Variants in TECTA observed in about 807,000 individuals in gnomAD.
TECTA encodes alpha-tectorin.
TECTA carries 128 observed loss-of-function variants against 216.8 expected under a neutral mutation model. The observed-to-expected ratio is 0.59, with a 90% CI of 0.51 to 0.68. TECTA has a LOEUF of 0.68. Ranked by LOEUF, TECTA falls within the 30% of genes least tolerant of loss-of-function variation. TECTA has a pLI of 0.00. For synonymous variants in TECTA, 1,089 were observed against 1,117.1 expected (o/e 0.97, Z 0.50); for missense variants, 2,551 against 2,786.2 (o/e 0.92, Z 1.90).
At chr11:121,146,194 C>G in intron 12 of TECTA, 78 bp downstream of exon 12, 1 of 1,554,214 alleles carries the variant, frequency 6.4e-7, no homozygotes, top group South Asian at 1.1e-5. Flanking sequence ...TTCCAACTCC[C>G]TAGAAGTCAG....
intron 16 of TECTA, among the ~76,000 whole-genome samples, chr11:121,165,016 A>G (rs574061343): frequency 1.2e-3 from 188 of 152,310 alleles, no homozygotes; most frequent in Non-Finnish European, 1.4e-3. Flanking sequence ...GCAAGTTTCA[A>G]CTGTGAAATA....
At chr11:121,123,558 T>G (rs1946579807) in intron 7 of TECTA, among the ~76,000 whole-genome samples, 1 of 152,204 alleles carries the variant, frequency 6.6e-6, no homozygotes, top group Non-Finnish European at 1.5e-5. Flanking sequence ...GAAGGAGCTT[T>G]CTAAAACACA....
At position 121,165,322 on chromosome 11, in the gene TECTA, T is replaced by A; in HGVS notation, c.5322T>A (p.Thr1774=). The A allele has an allele frequency of 6.2e-7, 1 of 1,609,006 alleles. No homozygotes were observed. Among genetic ancestry groups the A allele is most frequent in the Non-Finnish European group, 8.5e-7 (1 of 1,177,904 alleles). Reference sequence around the variant, plus strand: ...TGGGGGCGGACTGTCCCAACCGAACTTGCGAGCTGGGCAATGGCAGGGAGC... The same window carrying A: ...TGGGGGCGGACTGTCCCAACCGAACATGCGAGCTGGGCAATGGCAGGGAGC... ...PCVGADCPNR[T]CELGNGRELC... Residue 1774 remains threonine (T), a synonymous_variant, in exon 17 of 24, where the codon ACT becomes ACA. Transcript: ENST00000392793.
Position 121,129,950 on chromosome 11 carries a change from A to C in TECTA, c.2680A>C (p.Lys894Gln), listed in dbSNP as rs1394054466. The change falls in exon 10 of 24, where the codon AAG (lysine) becomes CAG (glutamine). Residue 894 changes from lysine to glutamine, a missense_variant. By Grantham distance (53) the Lys-to-Gln change is moderately conservative. Coordinates refer to ENST00000392793, the MANE Select transcript of TECTA (RefSeq NM_005422.4). The part of the protein sequence containing the change: ...ICNGECGDLL[K>Q]ACNNDSELLK... Reference sequence around the variant, plus strand: ...CAATGGAGAGTGTGGGGACCTGCTGAAGGCCTGCAACAATGACTCGGAGCT... The same window carrying C: ...CAATGGAGAGTGTGGGGACCTGCTGCAGGCCTGCAACAATGACTCGGAGCT... The C allele has an allele frequency of 1.2e-6, 2 of 1,607,756 alleles. No individual in the cohort carries two copies. Among genetic ancestry groups the C allele is most frequent in the Non-Finnish European group, 1.7e-6 (2 of 1,175,770 alleles).
In TECTA at chr11:121,128,863, G is replaced by C. The variant is rs111974559; in HGVS notation, c.2367+519G>C. Among the ~76,000 whole-genome samples the C allele has an allele frequency of 6.0e-3, 913 of 152,208 alleles. 5 individuals are homozygous for C. Among genetic ancestry groups the C allele is most frequent in the Non-Finnish European group, 0.01 (682 of 68,016 alleles). ...GGGGTGACTCCCACCCCTCTGACTT[G>C]CTCTGAAAAACCCATCATTAGGCAC... On this transcript the variant is annotated intron_variant, in intron 9 of 23. Coordinates refer to ENST00000392793, the MANE Select transcript of TECTA (RefSeq NM_005422.4).
At chr11:121,107,823 C>T (rs896600104) in intron 3 of TECTA, among the ~76,000 whole-genome samples, 1 of 152,164 alleles carries the variant, frequency 6.6e-6, no homozygotes, top group African/African-American at 2.4e-5. Context: ...AAGCCATTTA[C>T]AAATCATGAA....
chr11:121,143,574 G>A (rs973230716), intron 11 of TECTA, among the ~76,000 whole-genome samples: 3 of 152,280 alleles, frequency 2.0e-5, no homozygotes, highest in East Asian at 1.9e-4. Flanking sequence ...CCTCTGCCAT[G>A]TGCCTGGGAA....
chr11:121,114,108 G>A (rs764529863), intron 6 of TECTA, among the ~76,000 whole-genome samples: 7 of 151,828 alleles, frequency 4.6e-5, no homozygotes, highest in South Asian at 2.1e-4. Flanking sequence ...CCTTATTCTC[G>A]CTCTGTCTTC....
intron 20 of TECTA, among the ~76,000 whole-genome samples, chr11:121,174,603 T>C (rs1310326889): frequency 7.2e-5 from 11 of 152,330 alleles, no homozygotes; most frequent in Non-Finnish European, 1.2e-4. Flanking sequence ...CAGTATTTTA[T>C]TGAGGATTTT....
At chr11:121,150,639 T>A (rs1565530722) in intron 12 of TECTA, among the ~76,000 whole-genome samples, 2 of 129,410 alleles carry the variant, frequency 1.5e-5, no homozygotes, top group Non-Finnish European at 3.1e-5. Context: ...AAAGGCCTAT[T>A]TTAATTTTTT....
Position 121,113,715 on chromosome 11 carries a change from AG to A in TECTA, c.790+1del, listed in dbSNP as rs1276095908. On this transcript the variant is annotated frameshift_variant and splice_region_variant, in exon 6 of 24. Transcript: ENST00000392793. LOFTEE classifies it high-confidence loss of function. This position sits in a 1 kb window ranked among gnomAD's most constrained non-coding sequence, Gnocchi z 4.2. ...EIDPANGCTS[R>X]GQFLRRGEVF... ...TGACCCAGCCAATGGCTGCACCTCA[AG>A]GGGTAAAGCTTTTCCTCTGTCTGTG... 6.2e-7 allele frequency: 1 copy of A among 1,613,314 alleles called. No homozygotes were observed. Among genetic ancestry groups the A allele is most frequent in the Non-Finnish European group, 8.5e-7 (1 of 1,179,972 alleles).
rs548968693 is a variant in TECTA at position 121,160,476 on chromosome 11, C to T, written c.4976+55C>T. 9 of 1,596,750 alleles carry T rather than the reference C, an allele frequency of 5.6e-6. No individual in the cohort carries two copies. In the South Asian group the frequency reaches 9.9e-5, roughly 18 times the overall value. On this transcript the variant is annotated intron_variant, in intron 15 of 23. Transcript: ENST00000392793. ...CTTGGTGGCCCAAGTTCTCTCACGT[C>T]CATGGGTGGTGTGAATGAGGAATGC... is the stretch of plus-strand genomic sequence containing the variant.
At chr11:121,119,509 A>C (rs1423558406) in intron 7 of TECTA, among the ~76,000 whole-genome samples, 2 of 152,164 alleles carry the variant, frequency 1.3e-5, no homozygotes, top group African/African-American at 4.8e-5. Context: ...ACTAGCAATT[A>C]CTCAATTTGT....
chr11:121,109,712 C>G (rs527487484), intron 4 of TECTA: 1 of 598,942 alleles, frequency 1.7e-6, no homozygotes. Context: ...GATATGTCAC[C>G]CCTATCACAA....
At chr11:121,132,439 A>G (rs1463790838) in intron 10 of TECTA, among the ~76,000 whole-genome samples, 1 of 152,118 alleles carries the variant, frequency 6.6e-6, no homozygotes. Context: ...TGGATTAGCC[A>G]TTTCTCCAAG....
Position 121,162,196 on chromosome 11 carries a change from T to C in TECTA, c.5098T>C (p.Phe1700Leu), listed in dbSNP as rs1372442188. Reference sequence around the variant, plus strand: ...CCTGAAGCTCACCGACATGAAGGGCTTCTTCCAGCCCTGCTATGGGCTTCT... The same window carrying C: ...CCTGAAGCTCACCGACATGAAGGGCCTCTTCCAGCCCTGCTATGGGCTTCT... ...YCLKLTDMKG[F>L]FQPCYGLLDP... is the part of the protein sequence containing the mutation. Residue 1700 changes from phenylalanine to leucine, a missense_variant, in exon 16 of 24, where the codon TTC (phenylalanine) becomes CTC (leucine). By Grantham distance (22) the Phe-to-Leu change is conservative (BLOSUM62 0). Coordinates refer to ENST00000392793, the MANE Select transcript of TECTA (RefSeq NM_005422.4). 6.2e-7 allele frequency: 1 copy of C among 1,614,186 alleles called. No homozygotes were observed. The highest frequency in any genetic ancestry group is 2.2e-5 in the East Asian group (1 of 44,882).
At position 121,137,961 on chromosome 11, in the gene TECTA, T is replaced by G; in HGVS notation, c.3482T>G (p.Val1161Gly). ...TCACTGGCCTTGTGGGTTAAGCAGGTGGACGTGACCGTGTTTGGCTACAGC... is the reference window on the plus strand; with the variant it reads ...TCACTGGCCTTGTGGGTTAAGCAGGGGGACGTGACCGTGTTTGGCTACAGC... ...DPSLALWVKQVDVTVFGYSIV... is the reference protein window; with the variant it reads ...DPSLALWVKQGDVTVFGYSIV... The change falls in exon 11 of 24, where the codon GTG becomes GGG. Residue 1161 changes from valine to glycine, a missense_variant. This residue lies in a region of TECTA where 2,375 missense variants were observed against 2,563.9 expected (regional missense o/e 0.93). Coordinates refer to ENST00000392793, the MANE Select transcript of TECTA (RefSeq NM_005422.4). The G allele has an allele frequency of 6.2e-7, 1 of 1,612,876 alleles. No individual in the cohort carries two copies.
At chr11:121,133,556 T>A (rs1946696008) in intron 10 of TECTA, among the ~76,000 whole-genome samples, 1 of 152,120 alleles carries the variant, frequency 6.6e-6, no homozygotes, top group African/African-American at 2.4e-5. Context: ...AATGACTTAG[T>A]TTTCTTTGTC....
chr11:121,162,332 G>A lies in TECTA; in HGVS notation c.5234G>A (p.Gly1745Glu). Residue 1745 changes from glycine (G) to glutamate (E), a missense_variant, in exon 16 of 24, where the codon GGG becomes GAG. By Grantham distance (98) the Gly-to-Glu change is moderately conservative. Transcript: ENST00000392793. ...TACGGGGAGGCCTGCCGCTCCTTCG[G>A]GATCCTTAGCACCGAGTGGATTGAG... ...AAYGEACRSF[G>E]ILSTEWIEKE... The A allele has an allele frequency of 1.2e-6, 2 of 1,613,648 alleles. No homozygotes were observed. Among genetic ancestry groups the A allele is most frequent in the African/African-American group, 1.3e-5 (1 of 75,070 alleles).
Sources: gnomAD v4.1 joint callset for allele counts (sites outside exome capture counted in the v4.1 genomes callset) on GRCh38, gnomAD v4.1.1 for gene constraint, gnomAD v4.1.1 regional missense constraint, Gnocchi (gnomAD v3.1) non-coding constraint, MANE v1.5 for transcripts, NCBI Gene and HGNC (gene_info 2026-07-23, HGNC 2026-07-21) for gene names.